The following KCND2 variants were observed in gnomAD, a reference collection of about 807,000 sequenced individuals.
KCND2 encodes A-type voltage-gated potassium channel KCND2.
In KCND2, 16 loss-of-function variants were observed where a neutral mutation model predicts 54.4. The observed-to-expected ratio is 0.29, with a 90% CI of 0.20 to 0.45. The LOEUF is 0.45. Ranked by LOEUF, KCND2 falls within the 20% of genes least tolerant of loss-of-function variation. KCND2 has a pLI of 1.00. For synonymous variants in KCND2, 317 were observed against 310.7 expected (o/e 1.02, Z -0.21); for missense variants, 486 against 824.2 (o/e 0.59, Z 5.02).
chr7:120,539,583 G>A (rs905535637), intron 1 of KCND2, among the ~76,000 whole-genome samples: 2 of 152,226 alleles, frequency 1.3e-5, no homozygotes, highest in African/African-American at 2.4e-5. Context: ...TCACAAACTG[G>A]AACCCATTAA....
intron 1 of KCND2, among the ~76,000 whole-genome samples, chr7:120,350,605 T>C (rs1038771941): frequency 3.9e-5 from 6 of 152,196 alleles, no homozygotes; most frequent in African/African-American, 1.4e-4. Context: ...ATTATTTCAG[T>C]ACAATGACTA....
At position 120,393,956 on chromosome 7, in the gene KCND2, A is replaced by T. The variant is rs143185971; in HGVS notation, c.1115+118209A>T. Among the ~76,000 whole-genome samples the T allele has an allele frequency of 2.0e-4, 30 of 152,152 alleles. 1 individual carries two copies. In the East Asian group the frequency reaches 5.6e-3, roughly 28 times the overall value. Reference sequence around the variant, plus strand: ...AAGAGAGAGAAAAATGTGATAAATTATATCAGGCAGATAACTTACTGTCTT... The same window carrying T: ...AAGAGAGAGAAAAATGTGATAAATTTTATCAGGCAGATAACTTACTGTCTT... On this transcript the variant is annotated intron_variant, in intron 1 of 5. Transcript: ENST00000331113.
chr7:120,678,013 G>A (rs1456685307), intron 1 of KCND2, among the ~76,000 whole-genome samples: 1 of 151,826 alleles, frequency 6.6e-6, no homozygotes, highest in Admixed American at 6.6e-5. Flanking sequence ...TAATTTGTGG[G>A]CCAATTTTGT....
intron 1 of KCND2, among the ~76,000 whole-genome samples, chr7:120,634,646 C>T (rs1793281796): frequency 6.6e-6 from 1 of 152,166 alleles, no homozygotes. Flanking sequence ...TTTAAGCAAC[C>T]TTTCATGTTT....
chr7:120,486,986 A>G (rs1190971886), intron 1 of KCND2, among the ~76,000 whole-genome samples: 1 of 152,212 alleles, frequency 6.6e-6, no homozygotes, highest in Non-Finnish European at 1.5e-5. Context: ...TGACATAAGC[A>G]AATTGGAACT....
intron 1 of KCND2, among the ~76,000 whole-genome samples, chr7:120,664,281 C>T (rs1388441982): frequency 6.6e-6 from 1 of 152,008 alleles, no homozygotes; most frequent in Admixed American, 6.6e-5. Context: ...CTGCCTTGGC[C>T]AAATTACTTT....
intron 1 of KCND2, among the ~76,000 whole-genome samples, chr7:120,492,567 A>G (rs1584800236): frequency 1.3e-5 from 2 of 152,038 alleles, no homozygotes; most frequent in African/African-American, 2.4e-5. Context: ...GCAAAGTCCC[A>G]CTTTGTAGTT....
intron 1 of KCND2, among the ~76,000 whole-genome samples, chr7:120,729,692 T>G (rs185898176): frequency 3.3e-5 from 5 of 152,212 alleles, no homozygotes; most frequent in Non-Finnish European, 7.3e-5. Flanking sequence ...TGATGAACAC[T>G]TTGTGCCCCC....
chr7:120,318,576 C>A (rs973901567), intron 1 of KCND2, among the ~76,000 whole-genome samples: 2 of 151,986 alleles, frequency 1.3e-5, no homozygotes, highest in Non-Finnish European at 2.9e-5. Context: ...GTTCATTTGG[C>A]CTGGAAAATT....
intron 1 of KCND2, among the ~76,000 whole-genome samples, chr7:120,476,111 A>G (rs1256623068): frequency 1.3e-5 from 2 of 152,210 alleles, no homozygotes; most frequent in Non-Finnish European, 2.9e-5. Flanking sequence ...AAGTGGTTGC[A>G]TGCACAGAGG....
At chr7:120,379,948 A>G (rs762497406) in intron 1 of KCND2, among the ~76,000 whole-genome samples, 35 of 152,108 alleles carry the variant, frequency 2.3e-4, no homozygotes, top group Admixed American at 3.9e-4. Flanking sequence ...TGATACTCCT[A>G]TGATATGACA....
intron 1 of KCND2, among the ~76,000 whole-genome samples, chr7:120,728,348 A>G (rs1262505626): frequency 2.7e-5 from 4 of 147,614 alleles, no homozygotes; most frequent in Non-Finnish European, 6.0e-5. Context: ...CTGGAGTGCA[A>G]TGGCGCCATC....
chr7:120,485,434 A>G (rs1347003251), intron 1 of KCND2, among the ~76,000 whole-genome samples: 1 of 152,202 alleles, frequency 6.6e-6, no homozygotes, highest in Non-Finnish European at 1.5e-5. Context: ...AAAGTTTAGA[A>G]TGGAAATACA....
intron 1 of KCND2, among the ~76,000 whole-genome samples, chr7:120,304,648 C>G (rs1014790693): frequency 1.3e-5 from 2 of 152,088 alleles, no homozygotes; most frequent in African/African-American, 4.8e-5. Flanking sequence ...ATTAGCAACT[C>G]TCTCTCTTTC....
intron 1 of KCND2, among the ~76,000 whole-genome samples, chr7:120,377,944 C>T (rs1800859189): frequency 6.6e-6 from 1 of 151,724 alleles, no homozygotes; most frequent in Admixed American, 6.6e-5. Flanking sequence ...TAATGTGACC[C>T]CCACTAAAGC....
chr7:120,329,490 A>G (rs1800031080), intron 1 of KCND2, among the ~76,000 whole-genome samples: 1 of 152,092 alleles, frequency 6.6e-6, no homozygotes. Context: ...CCAAATGTTT[A>G]TTCTGATGCT....
intron 1 of KCND2, among the ~76,000 whole-genome samples, chr7:120,319,095 G>A (rs530606897): frequency 3.3e-5 from 5 of 151,984 alleles, no homozygotes; most frequent in Admixed American, 1.3e-4. Flanking sequence ...CTACATGGAA[G>A]CATCAGAGCG....
At chr7:120,607,084 A>G (rs566183154) in intron 1 of KCND2, among the ~76,000 whole-genome samples, 1 of 152,298 alleles carries the variant, frequency 6.6e-6, no homozygotes, top group South Asian at 2.1e-4. Context: ...CATCATGGTT[A>G]CAAGACTATT....
chr7:120,699,422 A>G (rs1792373341), intron 1 of KCND2, among the ~76,000 whole-genome samples: 1 of 152,222 alleles, frequency 6.6e-6, no homozygotes, highest in South Asian at 2.1e-4. Flanking sequence ...GGTAGGACCC[A>G]AATATACAGA....
Sources: allele counts gnomAD v4.1 joint callset (sites outside exome capture counted in the v4.1 genomes callset), GRCh38; gene constraint gnomAD v4.1.1; transcripts MANE v1.5; gene names NCBI Gene and HGNC (gene_info 2026-07-23, HGNC 2026-07-21).